LARGE1: variants seen among roughly 807,000 people sequenced by gnomAD.
The protein encoded by LARGE1 is LARGE xylosyl- and glucuronyltransferase 1.
A neutral mutation model predicts 87.6 loss-of-function variants in LARGE1; 43 were observed. The observed-to-expected ratio is 0.49, with a 90% confidence interval of 0.38 to 0.63. The LOEUF (loss-of-function observed/expected upper bound fraction) is 0.63. Among genes scored for constraint, LARGE1 ranks in the 30% least tolerant of loss-of-function variants. The pLI is 0.00. For missense variants in LARGE1, 802 were observed against 1,000.2 expected, an observed-to-expected ratio of 0.80 and a Z score of 2.67; for synonymous variants, 434 against 394.6, an observed-to-expected ratio of 1.10 and a Z score of -1.18.
At chr22:33,251,420 GT>G (rs544100814) in intron 11 of LARGE1, among the ~76,000 whole-genome samples, 1 of 150,876 alleles carries the variant, frequency 6.6e-6, no homozygotes, top group African/African-American at 2.4e-5. Context: ...TTTCTGCTCT[GT>G]TTTTTTTTCT....
the LARGE1 span, among the ~76,000 whole-genome samples, chr22:33,120,364 T>TTCTG: frequency 2.0e-5 from 2 of 98,728 alleles, no homozygotes; most frequent in Non-Finnish European, 3.9e-5. Context: ...TTCTTTTTCT[T>TTCTG]TCTTTCTTTC....
chr22:33,226,647 AAAAACTT>A (rs1277367780), intron 11 of LARGE1, among the ~76,000 whole-genome samples: 2 of 152,202 alleles, frequency 1.3e-5, no homozygotes, highest in Non-Finnish European at 2.9e-5. Context: ...CAACAAAATA[AAAAACTT>A]AACGAAAACA....
At chr22:33,202,148 G>A (rs989002195) in intron 11 of LARGE1, among the ~76,000 whole-genome samples, 4 of 151,698 alleles carry the variant, frequency 2.6e-5, no homozygotes, top group East Asian at 1.9e-4. Flanking sequence ...GCTGAGAAAC[G>A]TAACAATTGT....
At chr22:33,694,018 T>C (rs1370296924) in intron 2 of LARGE1, among the ~76,000 whole-genome samples, 2 of 152,118 alleles carry the variant, frequency 1.3e-5, no homozygotes, top group Admixed American at 6.5e-5. Context: ...CTCACAGTAT[T>C]TGAGGCCCAA....
chr22:33,446,806 G>T (rs1035500159), intron 6 of LARGE1, among the ~76,000 whole-genome samples: 1 of 152,208 alleles, frequency 6.6e-6, no homozygotes, highest in Non-Finnish European at 1.5e-5. Flanking sequence ...GGCACCATCT[G>T]CACAGAGGCA....
chr22:33,715,501 C>A (rs2082882441), intron 2 of LARGE1, among the ~76,000 whole-genome samples: 1 of 152,180 alleles, frequency 6.6e-6, no homozygotes, highest in Non-Finnish European at 1.5e-5. Flanking sequence ...TGCAGCTATC[C>A]TTTTAAACTG....
chr22:33,524,750 TAA>T (rs76544936), intron 6 of LARGE1, among the ~76,000 whole-genome samples: 60 of 93,982 alleles, frequency 6.4e-4, no homozygotes, highest in Admixed American at 7.8e-4. Context: ...TAGGTAAAGC[TAA>T]AAAAAAAAAA....
At chr22:33,212,493 A>G (rs1368658242) in intron 11 of LARGE1, among the ~76,000 whole-genome samples, 6 of 152,220 alleles carry the variant, frequency 3.9e-5, no homozygotes, top group African/African-American at 1.4e-4. Flanking sequence ...GCTTCTGGTC[A>G]TGCAACAGTT....
intron 2 of LARGE1, among the ~76,000 whole-genome samples, chr22:33,652,995 G>T (rs930514447): frequency 6.6e-6 from 1 of 152,180 alleles, no homozygotes; most frequent in Non-Finnish European, 1.5e-5. Flanking sequence ...CATTGTCACC[G>T]ACTGGCCAAT....
chr22:33,650,780 G>A, intron 2 of LARGE1, 112 bp from the exon 3 acceptor site: 1 of 1,211,050 alleles, frequency 8.3e-7, no homozygotes, highest in Non-Finnish European at 1.2e-6. Flanking sequence ...ACAATCCCAT[G>A]TTTAAGGAAA....
At position 33,642,311 on chromosome 22, in the gene LARGE1, C is replaced by A. The variant is rs180989992; in HGVS notation, c.408+8056G>T. 4.2e-3 allele frequency among the ~76,000 whole-genome samples: 640 copies of A among 152,168 alleles called. 8 individuals are homozygous for A. Among genetic ancestry groups the A allele is most frequent in the Non-Finnish European group, 5.5e-3 (372 of 67,986 alleles). On this transcript the variant is annotated intron_variant, in intron 3 of 14. Coordinates refer to ENST00000397394, the MANE Select transcript of LARGE1 (RefSeq NM_133642.5). ...TTCATAAGCAAAGGAGAAATAAAAT[C>A]CTTTACAGACAAGCAAATCCTCCTG...
chr22:33,222,957 G>A (rs1925531256), intron 11 of LARGE1, among the ~76,000 whole-genome samples: 1 of 152,132 alleles, frequency 6.6e-6, no homozygotes, highest in South Asian at 2.1e-4. Context: ...CCTAAATGGG[G>A]TCTGCCTACC....
At chr22:33,383,418 G>A (rs550307308) in intron 8 of LARGE1, among the ~76,000 whole-genome samples, 2 of 152,156 alleles carry the variant, frequency 1.3e-5, no homozygotes, top group South Asian at 4.1e-4. Flanking sequence ...AAATTAGCCT[G>A]GTGTGGTGCT....
intron 11 of LARGE1, among the ~76,000 whole-genome samples, chr22:33,256,401 AC>A (rs1395521354): frequency 6.6e-6 from 1 of 151,940 alleles, no homozygotes; most frequent in Non-Finnish European, 1.5e-5. Flanking sequence ...TGAAACTTAA[AC>A]CTCCCGCTCT....
intron 11 of LARGE1, among the ~76,000 whole-genome samples, chr22:33,202,907 A>G (rs1924468716): frequency 6.6e-6 from 1 of 152,250 alleles, no homozygotes; most frequent in South Asian, 2.1e-4. Flanking sequence ...CCTGGAAAGC[A>G]AGGCATTAGC....
At position 33,170,764 on chromosome 22, in the gene LARGE1, G is replaced by A. The variant is rs1435892536; in HGVS notation, c.1731-3932C>T. Among the ~76,000 whole-genome samples the A allele has an allele frequency of 3.3e-5, 5 of 152,184 alleles. No individual in the cohort carries two copies. In the East Asian group the frequency reaches 9.6e-4, roughly 29 times the overall value. On this transcript the variant is annotated intron_variant, in intron 11 of 11. Transcript: ENST00000608642. ...CATCTTGGTATCTTTATAACAGTGT[G>A]AGAATGGACTAATACAGAGAATTGG...
intron 12 of LARGE1, among the ~76,000 whole-genome samples, chr22:33,286,050 G>C (rs184841782): frequency 6.6e-6 from 1 of 152,228 alleles, no homozygotes; most frequent in East Asian, 1.9e-4. Flanking sequence ...ATAATATATA[G>C]CTCTCTCACC....
chr22:33,624,543 G>A (rs1215138478), intron 4 of LARGE1, among the ~76,000 whole-genome samples: 2 of 152,092 alleles, frequency 1.3e-5, no homozygotes, highest in Non-Finnish European at 2.9e-5. Flanking sequence ...GGTAGACAGA[G>A]CAGCATAACC....
the LARGE1 span, chr22:33,116,415 C>T: frequency 6.6e-6 from 1 of 152,196 alleles, no homozygotes; most frequent in Non-Finnish European, 1.5e-5. Context: ...AGTGCAGTGG[C>T]TCGATCTCGG....
Sources: allele counts gnomAD v4.1 joint callset (sites outside exome capture counted in the v4.1 genomes callset), GRCh38; gene constraint gnomAD v4.1.1; transcripts MANE v1.5; gene names NCBI Gene and HGNC (gene_info 2026-07-23, HGNC 2026-07-21).